The following USP32 variants were observed in gnomAD, a reference collection of about 807,000 sequenced individuals.
USP32 encodes ubiquitin carboxyl-terminal hydrolase 32.
A neutral mutation model predicts 204.8 loss-of-function variants in USP32; 59 were observed. The ratio of observed to expected loss-of-function variants is 0.29; its 90% CI spans 0.23 to 0.36. The LOEUF is 0.36. Ranked by LOEUF, USP32 falls within the 10% of genes least tolerant of loss-of-function variation. The pLI is 1.00. For missense variants in USP32, 1,160 were observed against 1,946.4 expected, an observed-to-expected ratio of 0.60 and a Z score of 7.60; for synonymous variants, 517 against 678.4, an observed-to-expected ratio of 0.76 and a Z score of 3.70.
In USP32 at chr17:60,335,458, C is replaced by T. The variant is rs1357669257; in HGVS notation, c.186+10023G>A. Among the ~76,000 whole-genome samples, 3 of 143,166 alleles carry T rather than the reference C, an allele frequency of 2.1e-5. 1 individual carries two copies. The highest frequency in any genetic ancestry group is 9.0e-5 in the African/African-American group (3 of 33,508). The allele number at this position is 143,166 out of a possible 152,430, so 93.9% of individuals were successfully genotyped here. A position where few individuals can be genotyped will look rare whatever the true frequency, so the allele number is the denominator to read the frequency against. The stretch of plus-strand genomic sequence containing the variant: ...AGGTCCAAGGTCTCTATGTGATTTT[C>T]AATTCTTTCCACTAACTCTAAAGGT... On this transcript the variant is annotated intron_variant, in intron 2 of 33. Coordinates refer to ENST00000300896, the MANE Select transcript of USP32 (RefSeq NM_032582.4).
At chr17:60,258,493 T>C (rs1251305677) in intron 9 of USP32, 1 of 156,558 alleles carries the variant, frequency 6.4e-6, no homozygotes, top group Non-Finnish European at 1.5e-5. Flanking sequence ...CTTTGACCAA[T>C]CTGCATCAGC....
At chr17:60,257,070 G>T in intron 9 of USP32, 1 of 212,078 alleles carries the variant, frequency 4.7e-6, no homozygotes. Flanking sequence ...AGCAAAGGAG[G>T]CTTGCTGCCT....
At chr17:60,291,527 C>CTGTGTGTGTG (rs926146064) in intron 4 of USP32, among the ~76,000 whole-genome samples, 3 of 140,722 alleles carry the variant, frequency 2.1e-5, no homozygotes, top group African/African-American at 8.8e-5. Flanking sequence ...GCTTCTCTCT[C>CTGTGTGTGTG]TGTGTGTGTA....
At chr17:60,419,560 G>A (rs1363774974) in intron 1 of USP32, among the ~76,000 whole-genome samples, 13 of 151,812 alleles carry the variant, frequency 8.6e-5, no homozygotes, top group Admixed American at 4.6e-4. Context: ...GTGAAACCCC[G>A]TCTCTACTAG....
Position 60,222,677 on chromosome 17 carries a change from ATTTTTTTTT to A in USP32, c.1609-137_1609-129del, listed in dbSNP as rs373799936. 1.2e-4 allele frequency: 56 copies of A among 471,288 alleles called. No individual in the cohort carries two copies. The Admixed American group carries it at 1.2e-3, about 10-fold the overall frequency. The allele number at this position is 471,288 out of a possible 1,614,324, so 29.2% of individuals were successfully genotyped here. On this transcript the variant is annotated intron_variant, in intron 14 of 33. Transcript: ENST00000300896. The stretch of plus-strand genomic sequence containing the variant: ...AGTTTCATGTTGCTGGAAAAACTTA[ATTTTTTTTT>A]TTTTTTTTTTTTTGAGACGGGGTCT...
intron 1 of USP32, among the ~76,000 whole-genome samples, chr17:60,409,631 AG>A (rs1450468987): frequency 6.6e-6 from 1 of 152,242 alleles, no homozygotes; most frequent in Non-Finnish European, 1.5e-5. Context: ...AGTGAAAAAA[AG>A]TCTGACCTAA....
chr17:60,234,273 C>T (rs1468055893), intron 12 of USP32, among the ~76,000 whole-genome samples: 1 of 151,586 alleles, frequency 6.6e-6, no homozygotes, highest in Non-Finnish European at 1.5e-5. Context: ...GCCACCATGC[C>T]CGGCTAATTT....
chr17:60,240,586 T>C (rs1191210700), intron 11 of USP32, among the ~76,000 whole-genome samples: 2 of 152,068 alleles, frequency 1.3e-5, no homozygotes, highest in African/African-American at 2.4e-5. Flanking sequence ...ATTCCTACAA[T>C]GGTTTACAAC....
intron 1 of USP32, among the ~76,000 whole-genome samples, chr17:60,353,915 G>C (rs545394878): frequency 6.6e-6 from 1 of 152,174 alleles, no homozygotes; most frequent in Admixed American, 6.5e-5. Context: ...ACTTTTAGAG[G>C]TTACCGTGTC....
At chr17:60,215,144 A>AT (rs2145530344) in intron 16 of USP32, among the ~76,000 whole-genome samples, 1 of 152,118 alleles carries the variant, frequency 6.6e-6, no homozygotes, top group African/African-American at 2.4e-5. Context: ...ATTTTTGTAC[A>AT]TTTTTGGGTA....
At chr17:60,254,992 G>T in intron 10 of USP32, among the ~76,000 whole-genome samples, 183 bp downstream of exon 10, 1 of 150,050 alleles carries the variant, frequency 6.7e-6, no homozygotes. Flanking sequence ...TATTTCCCAC[G>T]TCACGATTTT....
At chr17:60,415,244 G>A (rs1325879480) in intron 1 of USP32, among the ~76,000 whole-genome samples, 1 of 152,122 alleles carries the variant, frequency 6.6e-6, no homozygotes, top group African/African-American at 2.4e-5. Context: ...GAAGACACAG[G>A]ACTTCACTGT....
chr17:60,226,574 T>C (rs1033076904), intron 12 of USP32, among the ~76,000 whole-genome samples: 2 of 152,178 alleles, frequency 1.3e-5, no homozygotes, highest in African/African-American at 4.8e-5. Flanking sequence ...CATGAATGTA[T>C]ATAATTTTTT....
At chr17:60,276,876 T>A (rs927410416) in intron 5 of USP32, among the ~76,000 whole-genome samples, 2 of 151,652 alleles carry the variant, frequency 1.3e-5, no homozygotes, top group South Asian at 4.2e-4. Context: ...ATCTGTTCAT[T>A]TTCTGGATAT....
chr17:60,342,676 T>C (rs763244417), intron 2 of USP32, among the ~76,000 whole-genome samples: 1 of 152,186 alleles, frequency 6.6e-6, no homozygotes, highest in African/African-American at 2.4e-5. Flanking sequence ...CACAGTTTGA[T>C]CTCAGACTGC....
intron 1 of USP32, among the ~76,000 whole-genome samples, chr17:60,419,510 A>T (rs558494321): frequency 6.6e-6 from 1 of 152,150 alleles, no homozygotes; most frequent in Admixed American, 6.5e-5. Context: ...GCTGAGGTGG[A>T]TCACGAGGTC....
intron 1 of USP32, among the ~76,000 whole-genome samples, chr17:60,406,812 CCTTTCTTTCTTT>C (rs199628321): frequency 2.0e-5 from 3 of 151,930 alleles, no homozygotes; most frequent in Admixed American, 2.0e-4. Flanking sequence ...CTGCGCCTGG[CCTTTCTTTCTTT>C]CTTTCTTTCT....
rs114941209 is a variant in USP32, at chr17:60,400,365, G to A, written c.106+21881C>T. ...GGCAAACACAGGGAGACCAATTAGG[G>A]GGCGACTGCATTAATCCAGGCGTGA... On this transcript the variant is annotated intron_variant, in intron 1 of 3. Coordinates refer to the USP32 transcript ENST00000588898. Among the ~76,000 whole-genome samples the A allele has an allele frequency of 1.2e-3, 186 of 152,294 alleles. 1 individual carries two copies. Among genetic ancestry groups the A allele is most frequent in the African/African-American group, 4.4e-3 (183 of 41,562 alleles).
At chr17:60,345,656 GGT>G in intron 1 of USP32, 48 bp from the exon 2 acceptor site, 1 of 1,611,262 alleles carries the variant, frequency 6.2e-7, no homozygotes, top group Non-Finnish European at 8.5e-7. Context: ...AGAGAAAAGA[GGT>G]GTCTCATAAT....
Sources: allele counts gnomAD v4.1 joint callset (sites outside exome capture counted in the v4.1 genomes callset), GRCh38; gene constraint gnomAD v4.1.1; transcripts MANE v1.5; gene names NCBI Gene and HGNC (gene_info 2026-07-23, HGNC 2026-07-21).